The following POLQ variants were observed in gnomAD, a reference collection of about 807,000 sequenced individuals.
The protein encoded by POLQ is epididymis secretory sperm binding protein.
POLQ carries 233 observed loss-of-function variants against 259.2 expected under a neutral mutation model. The ratio of observed to expected loss-of-function variants is 0.90; its 90% CI spans 0.81 to 1.00. POLQ has a LOEUF of 1.00. Ranked by LOEUF, POLQ falls within the 50% of genes least tolerant of loss-of-function variation. The pLI, the probability that POLQ is intolerant of heterozygous loss-of-function variation, is 0.00. For synonymous variants in POLQ, 1,025 were observed against 1,048.8 expected (o/e 0.98, Z 0.44); for missense variants, 2,871 against 3,051.6 (o/e 0.94, Z 1.39).
At chr3:121,460,428 T>C (rs1008638870) in intron 24 of POLQ, among the ~76,000 whole-genome samples, 194 bp from the exon 25 acceptor site, 2 of 152,186 alleles carry the variant, frequency 1.3e-5, no homozygotes, top group Non-Finnish European at 2.9e-5. Context: ...TTTTTTTCCA[T>C]GTAGCTTTCA....
Position 121,537,154 on chromosome 3 carries a change from A to G in POLQ, c.686T>C (p.Leu229Pro), listed in dbSNP as rs2048457067. Residue 229 changes from leucine (L) to proline (P), a missense_variant, in exon 5 of 30, where the codon CTG (leucine) becomes CCG (proline). Leu to Pro is a moderately conservative substitution (Grantham distance 98). This residue lies in a region of POLQ where 783 missense variants were observed against 906.2 expected (regional missense o/e 0.86). Coordinates refer to ENST00000264233, the MANE Select transcript of POLQ (RefSeq NM_199420.4). ...AATCTTGGTCAGCAAAAGTTCCAGC[A>G]GATACCCTCGGTGAGAGTCTCCCAG... ...HMLGDSHRGY[L>P]LELLLTKICY... is the part of the protein sequence containing the mutation. 6.2e-7 allele frequency: 1 copy of G among 1,608,734 alleles called. No homozygotes were observed.
intron 24 of POLQ, among the ~76,000 whole-genome samples, chr3:121,461,901 T>C (rs910480197): frequency 2.0e-5 from 3 of 152,166 alleles, no homozygotes; most frequent in African/African-American, 4.8e-5. Context: ...TTTTATATCA[T>C]GTTGATTTCT....
At chr3:121,447,413 T>C (rs1452100309) in intron 26 of POLQ, among the ~76,000 whole-genome samples, 1 of 152,158 alleles carries the variant, frequency 6.6e-6, no homozygotes, top group Non-Finnish European at 1.5e-5. Context: ...TCTGCCTGTC[T>C]CTGCCTCCCA....
intron 12 of POLQ, among the ~76,000 whole-genome samples, chr3:121,503,719 C>A (rs1181254923): frequency 6.6e-6 from 1 of 152,150 alleles, no homozygotes; most frequent in East Asian, 1.9e-4. Flanking sequence ...CTGTATATAA[C>A]CTATGCACAT....
At chr3:121,535,026 AG>A (rs1214439450) in intron 5 of POLQ, among the ~76,000 whole-genome samples, 1 of 152,202 alleles carries the variant, frequency 6.6e-6, no homozygotes, top group African/African-American at 2.4e-5. Context: ...TGCTGTTTTG[AG>A]GTAATTGTTC....
chr3:121,450,935 G>A (rs772288836), intron 25 of POLQ, among the ~76,000 whole-genome samples: 3 of 152,180 alleles, frequency 2.0e-5, no homozygotes, highest in Admixed American at 6.5e-5. Flanking sequence ...CCAATCAGGT[G>A]TAGATTTGGT....
chr3:121,448,833 A>G (rs1183616841), intron 26 of POLQ, among the ~76,000 whole-genome samples: 1 of 152,186 alleles, frequency 6.6e-6, no homozygotes, highest in Non-Finnish European at 1.5e-5. Flanking sequence ...ACAGAACTAT[A>G]TACCTTTTTC....
chr3:121,494,786 A>G (rs1195377929), intron 14 of POLQ: 7 of 1,492,316 alleles, frequency 4.7e-6, no homozygotes, highest in Non-Finnish European at 6.5e-6. Context: ...GACCAATTAC[A>G]ACGACAGATA....
rs912519294 is a variant in POLQ at position 121,439,859 on chromosome 3, T to A, written c.7389+133A>T. 5 of 750,406 alleles carry A rather than the reference T, an allele frequency of 6.7e-6. No individual in the cohort carries two copies. In the African/African-American group the frequency reaches 7.0e-5, roughly 11 times the overall value. The allele number at this position is 750,406 out of a possible 1,614,324, so 46.5% of individuals were successfully genotyped here. ...AGAAGTCCTTAATGAAACCAATGGT[T>A]GACGTTGTCTATACAGAAAATCCAA... On this transcript the variant is annotated intron_variant, in intron 27 of 29. Transcript: ENST00000264233.
At chr3:121,464,721 T>A (rs2047821570) in intron 24 of POLQ, among the ~76,000 whole-genome samples, 1 of 152,182 alleles carries the variant, frequency 6.6e-6, no homozygotes, top group Admixed American at 6.5e-5. Context: ...TGAACAAAAT[T>A]TAAAATATTG....
chr3:121,509,604 A>G lies in POLQ; in HGVS notation c.1916T>C (p.Met639Thr), dbSNP rs2048236350. Residue 639 changes from methionine to threonine, a missense_variant, in exon 12 of 30, where the codon ATG becomes ACG. Transcript: ENST00000264233. ...LDIFADLQRA[M>T]KGFVLENDLH... ...ATCATTCTCTAAAACAAAGCCCTTC[A>G]TTGCTCTTTGCAGGTCAGCAAAAAT... 6.2e-7 allele frequency: 1 copy of G among 1,613,756 alleles called. No homozygotes were observed. Among genetic ancestry groups the G allele is most frequent in the South Asian group, 1.1e-5 (1 of 91,052 alleles).
intron 5 of POLQ, among the ~76,000 whole-genome samples, chr3:121,536,204 T>C: frequency 6.6e-6 from 1 of 152,178 alleles, no homozygotes; most frequent in East Asian, 1.9e-4. Context: ...TAACACTGAA[T>C]AATGATCTAA....
Position 121,498,538 on chromosome 3 carries a change from C to A in POLQ, c.2092G>T (p.Val698Leu). 6.2e-7 allele frequency: 1 copy of A among 1,614,120 alleles called. No homozygotes were observed. Among genetic ancestry groups the A allele is most frequent in the Non-Finnish European group, 8.5e-7 (1 of 1,180,008 alleles). Residue 698 changes from valine to leucine, a missense_variant, in exon 13 of 30, where the codon GTG (valine) becomes TTG (leucine). Around this residue, in one of 3 missense-constraint regions of POLQ, gnomAD observed 783 missense variants for 906.2 expected, o/e 0.86. Coordinates refer to ENST00000264233, the MANE Select transcript of POLQ (RefSeq NM_199420.4). ...GTTCTGGCTACTACTTTTCCTTTCA[C>A]ACAACGGGCCAAGAACCCCTCTTCA... ...GVEEGFLARC[V>L]KGKVVARTER...
chr3:121,487,610 A>G lies in POLQ; in HGVS notation c.5321T>C (p.Phe1774Ser), dbSNP rs1460263550. The G allele has an allele frequency of 6.2e-7, 1 of 1,614,034 alleles. No homozygotes were observed. The highest frequency in any genetic ancestry group is 8.5e-7 in the Non-Finnish European group (1 of 1,179,962). The change falls in exon 16 of 30, where the codon TTT becomes TCT. Residue 1774 changes from phenylalanine to serine, a missense_variant. Physicochemically the swap from Phe to Ser is radical, Grantham distance 155. Coordinates refer to ENST00000264233, the MANE Select transcript of POLQ (RefSeq NM_199420.4). ...NVLQPGESYL[F>S]GSPSDIKNHD... ...GTTTTTAATATCTGAAGGTGAGCCA[A>G]ATAAATAACTTTCACCAGGTTGTAA...
chr3:121,529,188 C>T (rs1488344401), intron 7 of POLQ, among the ~76,000 whole-genome samples: 2 of 130,264 alleles, frequency 1.5e-5, no homozygotes, highest in Non-Finnish European at 3.3e-5. Context: ...AATGAACGCA[C>T]GCAATTCAAA....
Position 121,485,111 on chromosome 3 carries a change from A to T in POLQ, c.5703T>A (p.Val1901=). The T allele has an allele frequency of 6.2e-7, 1 of 1,612,584 alleles. No homozygotes were observed. The highest frequency in any genetic ancestry group is 8.5e-7 in the Non-Finnish European group (1 of 1,178,770). ...TTCCACCCCAGCATACTGCCAGTCC[A>T]ACCACCAAGGTGTCATCACAACCTT... is the stretch of plus-strand genomic sequence containing the variant. ...PIKGCDDTLV[V]GLAVCWGGRD... is the part of the protein sequence containing the mutation. Residue 1901 remains valine (V), a synonymous_variant, in exon 17 of 30, where the codon GTT becomes GTA. Transcript: ENST00000264233.
chr3:121,520,522 C>T lies in POLQ; in HGVS notation c.1256-439G>A, dbSNP rs990339216. Among the ~76,000 whole-genome samples, 7 of 152,128 alleles carry T rather than the reference C, an allele frequency of 4.6e-5. No homozygotes were observed. The South Asian group carries it at 8.3e-4, about 18-fold the overall frequency. On this transcript the variant is annotated intron_variant, in intron 8 of 29. Transcript: ENST00000264233. ...CTGCACTCCAGCCTGGGCAACAGAG[C>T]GAGAAAACAACAACAACAATAACAA... is the stretch of plus-strand genomic sequence containing the variant.
rs754966284 is a variant in POLQ, at chr3:121,481,614, T to C, written c.6169A>G (p.Met2057Val). Residue 2057 changes from methionine (M) to valine (V), a missense_variant, in exon 19 of 30, where the codon ATG becomes GTG. Met to Val is a conservative substitution (Grantham distance 21, BLOSUM62 1). Transcript: ENST00000264233. The part of the protein sequence containing the change: ...SVESILIFNS[M>V]NQLNSLLQKE... ...TGCAACAAAGAGTTGAGCTGATTCATAGAGTTGAAGATGAGAATGGACTCC... is the reference window on the plus strand; with the variant it reads ...TGCAACAAAGAGTTGAGCTGATTCACAGAGTTGAAGATGAGAATGGACTCC... The C allele has an allele frequency of 2.2e-5, 36 of 1,612,586 alleles. No homozygotes were observed. In the African/African-American group the frequency reaches 2.4e-4, roughly 11 times the overall value.
At chr3:121,522,227 C>A (rs1201041276) in intron 7 of POLQ, 78 bp from the exon 8 acceptor site, 1 of 922,042 alleles carries the variant, frequency 1.1e-6, no homozygotes, top group Non-Finnish European at 1.5e-6. Context: ...CATAATAGAG[C>A]TAAATAGCAG....
Sources: allele counts gnomAD v4.1 joint callset (sites outside exome capture counted in the v4.1 genomes callset), GRCh38; gene constraint gnomAD v4.1.1; regional missense constraint gnomAD v4.1.1; transcripts MANE v1.5; gene names NCBI Gene and HGNC (gene_info 2026-07-23, HGNC 2026-07-21).